The following CSNK1G2 variants were observed in gnomAD, a reference collection of about 807,000 sequenced individuals.
The protein encoded by CSNK1G2 is casein kinase I isoform gamma-2.
Under a neutral mutation model 48.0 loss-of-function variants are expected in CSNK1G2, and 11 were observed. That is an observed-to-expected ratio of 0.23 (90% confidence interval 0.14 to 0.38). The LOEUF is 0.38. CSNK1G2 is among the 10% of genes least tolerant of loss of function. CSNK1G2 has a pLI of 1.00. For missense variants in CSNK1G2, 446 were observed against 595.5 expected (o/e 0.75, Z 2.61); for synonymous variants, 337 against 254.1 (o/e 1.33, Z -3.10).
chr19:1,956,746 C>T (rs2015013662), intron 1 of CSNK1G2, among the ~76,000 whole-genome samples: 1 of 152,130 alleles, frequency 6.6e-6, no homozygotes, highest in African/African-American at 2.4e-5. Flanking sequence ...AGCATCGGGA[C>T]ACGGGGCCGT....
chr19:1,976,979 T>C (rs2145591849), intron 2 of CSNK1G2, among the ~76,000 whole-genome samples: 2 of 152,314 alleles, frequency 1.3e-5, no homozygotes, highest in Admixed American at 1.3e-4. Context: ...CCTCAGGTGA[T>C]CCGCCTGCGT....
At chr19:1,943,026 C>T (rs934845275) in intron 1 of CSNK1G2, among the ~76,000 whole-genome samples, 1 of 152,102 alleles carries the variant, frequency 6.6e-6, no homozygotes, top group Admixed American at 6.6e-5. Flanking sequence ...CCTGCACAGA[C>T]GAGAGGGAAC....
chr19:1,966,128 T>A (rs2015358545), intron 1 of CSNK1G2, among the ~76,000 whole-genome samples: 1 of 152,186 alleles, frequency 6.6e-6, no homozygotes, highest in Admixed American at 6.5e-5. Flanking sequence ...AATACATTTG[T>A]AAGGCTCTAG....
intron 1 of CSNK1G2, among the ~76,000 whole-genome samples, chr19:1,969,232 C>G (rs368830605): frequency 1.3e-4 from 16 of 123,898 alleles, no homozygotes; most frequent in African/African-American, 6.1e-4. Flanking sequence ...GTGCCACCCA[C>G]CCACCCACCC....
chr19:1,950,091 C>G (rs1004048798), intron 1 of CSNK1G2, among the ~76,000 whole-genome samples: 1 of 152,086 alleles, frequency 6.6e-6, no homozygotes, highest in Non-Finnish European at 1.5e-5. Flanking sequence ...CCTTTCGAGG[C>G]CACAAAAATC....
At chr19:1,960,464 G>A (rs895951541) in intron 1 of CSNK1G2, among the ~76,000 whole-genome samples, 2 of 152,222 alleles carry the variant, frequency 1.3e-5, no homozygotes, top group African/African-American at 2.4e-5. Flanking sequence ...GTGTCCCCTC[G>A]GGATGTTTGC....
At chr19:1,967,005 G>A (rs1304795892) in intron 1 of CSNK1G2, among the ~76,000 whole-genome samples, 4 of 151,754 alleles carry the variant, frequency 2.6e-5, no homozygotes, top group Non-Finnish European at 4.4e-5. Flanking sequence ...CGAGTAGCTG[G>A]GACCACAGGC....
chr19:1,950,353 A>G (rs944982086), intron 1 of CSNK1G2, among the ~76,000 whole-genome samples: 1 of 146,408 alleles, frequency 6.8e-6, no homozygotes, highest in Non-Finnish European at 1.5e-5. Context: ...GTTTGCCAGG[A>G]TGGTCTTGAT....
At chr19:1,971,407 G>A (rs183209251) in intron 2 of CSNK1G2, among the ~76,000 whole-genome samples, 6 of 152,388 alleles carry the variant, frequency 3.9e-5, no homozygotes, top group Admixed American at 2.6e-4. Context: ...CCCGGGCTCC[G>A]TTTCTCAGCC....
intron 1 of CSNK1G2, among the ~76,000 whole-genome samples, chr19:1,946,481 C>T (rs1000345091): frequency 6.7e-6 from 1 of 150,174 alleles, no homozygotes; most frequent in East Asian, 1.9e-4. Context: ...TTAGTAGAGA[C>T]GGGGTTTCAC....
At position 1,980,173 on chromosome 19, in the gene CSNK1G2, A is replaced by C; in HGVS notation, c.1218A>C (p.Arg406Ser). 6.2e-7 allele frequency: 1 copy of C among 1,612,850 alleles called. No homozygotes were observed. Among genetic ancestry groups the C allele is most frequent in the Non-Finnish European group, 8.5e-7 (1 of 1,179,846 alleles). ...GATGCTGCTGTTTCTTCAAGAGGAGAAAGAGAAAATCGCTGCAGCGACACA... is the reference window on the plus strand; with the variant it reads ...GATGCTGCTGTTTCTTCAAGAGGAGCAAGAGAAAATCGCTGCAGCGACACA... The part of the protein sequence containing the change: ...ETKCCCFFKR[R>S]KRKSLQRHK Residue 406 changes from arginine (R) to serine (S), a missense_variant, in exon 12 of 12, where the codon AGA becomes AGC. Around this residue, in one of 2 missense-constraint regions of CSNK1G2, gnomAD observed 188 missense variants for 179.6 expected, o/e 1.05. Coordinates refer to ENST00000255641, the MANE Select transcript of CSNK1G2 (RefSeq NM_001319.7).
chr19:1,957,036 C>A lies in CSNK1G2; in HGVS notation c.-265-12472C>A, dbSNP rs111384828. On this transcript the variant is annotated intron_variant, in intron 1 of 11. Coordinates refer to ENST00000255641, the MANE Select transcript of CSNK1G2 (RefSeq NM_001319.7). The surrounding 1 kb of genome is among the most constrained non-coding windows in gnomAD (Gnocchi z 5.4). Reference sequence around the variant, plus strand: ...AGAGGGAAGGCTGGTGGTGGCGCCCCCCTTCGACGGTCGTGCCCTGATGCT... The same window carrying A: ...AGAGGGAAGGCTGGTGGTGGCGCCCACCTTCGACGGTCGTGCCCTGATGCT... Among the ~76,000 whole-genome samples, 4 of 152,272 alleles carry A rather than the reference C, an allele frequency of 2.6e-5. No individual in the cohort carries two copies. Among genetic ancestry groups the A allele is most frequent in the African/African-American group, 7.2e-5 (3 of 41,564 alleles).
In CSNK1G2 at chr19:1,979,977, A is replaced by T. The variant is rs778029972; in HGVS notation, c.1153A>T (p.Ile385Phe). 1 of 1,590,720 alleles carries T rather than the reference A, an allele frequency of 6.3e-7. No homozygotes were observed. The highest frequency in any genetic ancestry group is 1.3e-5 in the African/African-American group (1 of 74,392). The change falls in exon 11 of 12, where the codon ATC becomes TTC. Residue 385 changes from isoleucine to phenylalanine, a missense_variant. By Grantham distance (21) the Ile-to-Phe change is conservative. This residue lies in a region of CSNK1G2 where 188 missense variants were observed against 179.6 expected (regional missense o/e 1.05). Transcript: ENST00000255641. ...CACGGCCGGCCACTCCAACGCCCCGATCACAGCGCCTGCAGAGGTGGAGGT... is the reference window on the plus strand; with the variant it reads ...CACGGCCGGCCACTCCAACGCCCCGTTCACAGCGCCTGCAGAGGTGGAGGT... ...DPTAGHSNAPITAPAEVEVAD... is the reference protein window; with the variant it reads ...DPTAGHSNAPFTAPAEVEVAD...
intron 1 of CSNK1G2, among the ~76,000 whole-genome samples, chr19:1,961,240 C>T (rs1483767175): frequency 1.3e-5 from 2 of 152,202 alleles, no homozygotes; most frequent in African/African-American, 4.8e-5. Flanking sequence ...GCTCTCATGG[C>T]TGTGGAGGGG....
chr19:1,971,805 G>A (rs1261873104), intron 2 of CSNK1G2, among the ~76,000 whole-genome samples: 12 of 140,268 alleles, frequency 8.6e-5, no homozygotes, highest in South Asian at 2.2e-4. Context: ...AGTCTCGCTC[G>A]GTCACCCAGG....
intron 1 of CSNK1G2, among the ~76,000 whole-genome samples, chr19:1,955,536 C>CCTGGGTGAGGCTCTGCGGGGTGGGT (rs2014960640): frequency 6.7e-6 from 1 of 149,220 alleles, no homozygotes; most frequent in African/African-American, 2.5e-5. Context: ...GCGGGGTGGG[C>CCTGGGTGAGGCTCTGCGGGGTGGGT]GTGTGCCTGG....
rs539306736 is a variant in CSNK1G2, at chr19:1,947,049, C to T, written c.-266+5631C>T. ...GATTACAGGCGTGAGCCACCGTGCC[C>T]GGCCCTATCGCTATTTAAAAGGCAG... On this transcript the variant is annotated intron_variant, in intron 1 of 11. Coordinates refer to ENST00000255641, the MANE Select transcript of CSNK1G2 (RefSeq NM_001319.7). Among the ~76,000 whole-genome samples the T allele has an allele frequency of 6.6e-5, 10 of 152,360 alleles. No homozygotes were observed. The East Asian group carries it at 7.7e-4, about 12-fold the overall frequency.
intron 1 of CSNK1G2, among the ~76,000 whole-genome samples, chr19:1,960,493 C>T (rs1489041964): frequency 3.9e-5 from 6 of 152,230 alleles, no homozygotes; most frequent in East Asian, 1.9e-4. Flanking sequence ...ATCTCACACC[C>T]GGCTCTGACA....
chr19:1,942,088 C>A (rs1368189003), intron 1 of CSNK1G2, among the ~76,000 whole-genome samples: 3 of 152,092 alleles, frequency 2.0e-5, no homozygotes, highest in Non-Finnish European at 4.4e-5. Context: ...TGGTCTGATC[C>A]GCAGGGACCT....
Sources: allele counts gnomAD v4.1 joint callset (sites outside exome capture counted in the v4.1 genomes callset), GRCh38; gene constraint gnomAD v4.1.1; regional missense constraint gnomAD v4.1.1; non-coding constraint Gnocchi (gnomAD v3.1); transcripts MANE v1.5; gene names NCBI Gene and HGNC (gene_info 2026-07-23, HGNC 2026-07-21).